Variants in SH3D19 observed in about 807,000 individuals in gnomAD.
SH3D19 encodes the protein SH3 domain containing 19, also known as SH3 domain-containing protein 19.
A neutral mutation model predicts 112.1 loss-of-function variants in SH3D19; 58 were observed. The observed-to-expected ratio is 0.52, with a 90% confidence interval of 0.42 to 0.64. SH3D19 has a LOEUF of 0.64. Among genes scored for constraint, SH3D19 ranks in the 30% least tolerant of loss-of-function variants. The pLI, the probability that SH3D19 is intolerant of heterozygous loss-of-function variation, is 0.00. For synonymous variants in SH3D19, 391 were observed against 448.5 expected (o/e 0.87, Z 1.62); for missense variants, 1,090 against 1,263.4 (o/e 0.86, Z 2.08).
intron 11 of SH3D19, 173 bp from the exon 12 acceptor site, chr4:151,144,223 A>G: frequency 2.5e-6 from 4 of 1,613,876 alleles, no homozygotes; most frequent in Non-Finnish European, 3.4e-6. Context: ...ACTTTACCTT[A>G]CAAGAGAGTT....
intron 1 of SH3D19, chr4:151,291,124 TC>T: frequency 3.7e-6 from 6 of 1,609,778 alleles, no homozygotes; most frequent in Non-Finnish European, 5.1e-6. Flanking sequence ...TTAGGGTGAT[TC>T]TGGAGGGCCT....
At chr4:151,200,742 G>A (rs1035161776) in intron 2 of SH3D19, among the ~76,000 whole-genome samples, 2 of 152,162 alleles carry the variant, frequency 1.3e-5, no homozygotes, top group African/African-American at 4.8e-5. Flanking sequence ...AAAAAACTGA[G>A]GAAACATTCT....
chr4:151,174,703 C>G lies in SH3D19; in HGVS notation c.1501G>C (p.Ala501Pro), dbSNP rs751402759. ...ATCTCTGAACCAACAGATTCTTCAGCCAGGTTCCCCGATGGGGTGGGCAAA... is the reference window on the plus strand; with the variant it reads ...ATCTCTGAACCAACAGATTCTTCAGGCAGGTTCCCCGATGGGGTGGGCAAA... Reference protein sequence around the residue: ...DVLPTPSGNLAEESVGSEMVL... With the variant: ...DVLPTPSGNLPEESVGSEMVL... The change falls in exon 7 of 20, where the codon GCT becomes CCT. Residue 501 changes from alanine to proline, a missense_variant. Coordinates refer to ENST00000604030, the MANE Select transcript of SH3D19 (RefSeq NM_001378122.1). 6.6e-7 allele frequency: 1 copy of G among 1,514,396 alleles called. No individual in the cohort carries two copies. Among genetic ancestry groups the G allele is most frequent in the East Asian group, 2.3e-5 (1 of 43,904 alleles). The allele number at this position is 1,514,396 out of a possible 1,614,324, so 93.8% of individuals were successfully genotyped here. A position where few individuals can be genotyped will look rare whatever the true frequency, so the allele number is the denominator to read the frequency against.
intron 1 of SH3D19, among the ~76,000 whole-genome samples, chr4:151,315,195 C>T (rs1729873534): frequency 6.6e-6 from 1 of 152,118 alleles, no homozygotes; most frequent in Non-Finnish European, 1.5e-5. Flanking sequence ...TCAGGTTCCT[C>T]ATCTGTTAAA....
At chr4:151,200,226 A>G (rs1003805429) in intron 2 of SH3D19, among the ~76,000 whole-genome samples, 1 of 143,370 alleles carries the variant, frequency 7.0e-6, no homozygotes, top group Middle Eastern at 3.6e-3. Context: ...ACACATACAT[A>G]CATACATACA....
intron 1 of SH3D19, among the ~76,000 whole-genome samples, chr4:151,276,549 G>C (rs1392139450): frequency 1.3e-5 from 2 of 152,114 alleles, no homozygotes; most frequent in African/African-American, 4.8e-5. Context: ...CTCAGCTCCA[G>C]AGAAACTTGT....
chr4:151,253,446 C>G (rs1042414985), intron 1 of SH3D19, among the ~76,000 whole-genome samples: 18 of 152,170 alleles, frequency 1.2e-4, no homozygotes, highest in African/African-American at 4.1e-4. Flanking sequence ...TGTTATTAAA[C>G]AAAGCACTTG....
At chr4:151,286,980 AAAAAT>A (rs899271714) in intron 1 of SH3D19, among the ~76,000 whole-genome samples, 2 of 111,382 alleles carry the variant, frequency 1.8e-5, no homozygotes, top group Admixed American at 9.2e-5. Flanking sequence ...ATTCTGTCTC[AAAAAT>A]AATAATAATA....
At chr4:151,242,399 G>GTC (rs766304600) in intron 1 of SH3D19, among the ~76,000 whole-genome samples, 11 of 152,110 alleles carry the variant, frequency 7.2e-5, no homozygotes, top group Non-Finnish European at 1.6e-4. Context: ...CCTACAATGA[G>GTC]TCCTATTTTA....
At chr4:151,215,025 C>A (rs1324659456) in intron 2 of SH3D19, among the ~76,000 whole-genome samples, 10 of 147,486 alleles carry the variant, frequency 6.8e-5, no homozygotes, top group Non-Finnish European at 1.5e-4. Flanking sequence ...CTCCTCACAT[C>A]CCAGACGGGG....
rs531301869 is a variant in SH3D19 at position 151,137,369 on chromosome 4, A to G, written c.2427+363T>C. 8.5e-5 allele frequency among the ~76,000 whole-genome samples: 13 copies of G among 152,350 alleles called. No individual in the cohort carries two copies. In the South Asian group the frequency reaches 2.7e-3, roughly 32 times the overall value. On this transcript the variant is annotated intron_variant, in intron 14 of 19. Coordinates refer to ENST00000604030, the MANE Select transcript of SH3D19 (RefSeq NM_001378122.1). ...AGAAAAGAAGTGGTACCATAACCTC[A>G]GAGAACATCTCTACAGGATAAGCTA... is the stretch of plus-strand genomic sequence containing the variant.
chr4:151,246,054 A>AAGT (rs1554061644), intron 1 of SH3D19, among the ~76,000 whole-genome samples: 21,321 of 150,948 alleles, frequency 0.14, 1,971 homozygotes, highest in Non-Finnish European at 0.22. Context: ...AAAAAAAAAA[A>AAGT]AAGGCTGAAA....
intron 1 of SH3D19, among the ~76,000 whole-genome samples, chr4:151,284,223 T>C (rs1489043214): frequency 6.6e-6 from 1 of 152,256 alleles, no homozygotes; most frequent in African/African-American, 2.4e-5. Flanking sequence ...TGTTAAGTTA[T>C]ACCTTTTGGT....
In SH3D19 at chr4:151,164,665, C is replaced by T. The variant is rs540847917; in HGVS notation, c.1642+924G>A. The stretch of plus-strand genomic sequence containing the variant: ...CACGATCTCGGCTCACTGCAAGCTC[C>T]GCCTCCCAGGTTCAAGTGATTCTCC... On this transcript the variant is annotated intron_variant, in intron 8 of 19. Coordinates refer to ENST00000604030, the MANE Select transcript of SH3D19 (RefSeq NM_001378122.1). Among the ~76,000 whole-genome samples the T allele has an allele frequency of 2.4e-4, 36 of 151,888 alleles. 1 individual carries two copies. Among genetic ancestry groups the T allele is most frequent in the Middle Eastern group, 3.4e-3 (1 of 294 alleles).
At chr4:151,150,212 T>TAA (rs1754719638) in intron 9 of SH3D19, among the ~76,000 whole-genome samples, 2 of 38,852 alleles carry the variant, frequency 5.1e-5, no homozygotes, top group Non-Finnish European at 1.4e-4. Flanking sequence ...AAAAAATATA[T>TAA]ATATATATAT....
Position 151,175,168 on chromosome 4 carries a change from C to T in SH3D19, c.1036G>A (p.Gly346Arg). The T allele has an allele frequency of 6.2e-7, 1 of 1,614,154 alleles. No individual in the cohort carries two copies. Among genetic ancestry groups the T allele is most frequent in the South Asian group, 1.1e-5 (1 of 91,072 alleles). ...TTCTCAGTCCCAGAGTCCCACTCTC[C>T]AGAAGCTCTGTTAGCAGCTGGTTTG... Reference protein sequence around the residue: ...APKPAANRASGEWDSGTENRL... With the variant: ...APKPAANRASREWDSGTENRL... Residue 346 changes from glycine (G) to arginine (R), a missense_variant, in exon 7 of 20, where the codon GGA (glycine) becomes AGA (arginine). Physicochemically the swap from Gly to Arg is moderately radical, Grantham distance 125 (BLOSUM62 -2). Transcript: ENST00000604030.
intron 7 of SH3D19, among the ~76,000 whole-genome samples, chr4:151,171,447 C>T (rs533209374): frequency 1.1e-4 from 17 of 152,200 alleles, no homozygotes; most frequent in Admixed American, 1.0e-3. Flanking sequence ...AAGAAAATGG[C>T]ATTTTTGTCT....
intron 5 of SH3D19, 56 bp from the exon 6 acceptor site, chr4:151,176,743 ACAGT>A: frequency 4.1e-6 from 5 of 1,228,682 alleles, no homozygotes; most frequent in Non-Finnish European, 5.1e-6. Flanking sequence ...TAAGGTGTTG[ACAGT>A]CTCACTGTTC....
chr4:151,251,198 C>CTTTTTTTTTTT (rs11368412), intron 1 of SH3D19, among the ~76,000 whole-genome samples: 1 of 142,570 alleles, frequency 7.0e-6, no homozygotes. Flanking sequence ...TCTTTTTTTC[C>CTTTTTTTTTTT]TTTTTTTTTT....
Sources: allele counts gnomAD v4.1 joint callset (sites outside exome capture counted in the v4.1 genomes callset), GRCh38; gene constraint gnomAD v4.1.1; transcripts MANE v1.5; gene names NCBI Gene and HGNC (gene_info 2026-07-23, HGNC 2026-07-21).